The following KRT74 variants were observed in gnomAD, a reference collection of about 807,000 sequenced individuals.
KRT74 encodes the protein keratin, type II cytoskeletal 74.
Under a neutral mutation model 42.7 loss-of-function variants are expected in KRT74, and 43 were observed. That is an observed-to-expected ratio of 1.01 (90% CI 0.79 to 1.30). The LOEUF (loss-of-function observed/expected upper bound fraction) is 1.30. Ranked by LOEUF, KRT74 falls within the 50% of genes most tolerant of loss-of-function variation. The probability of loss-of-function intolerance (pLI) is 0.00; values close to 1 mark genes in which losing one functional copy is unlikely to be tolerated. For missense variants in KRT74, 736 were observed against 689.1 expected (o/e 1.07, Z -0.76); for synonymous variants, 302 against 279.0 (o/e 1.08, Z -0.82).
chr12:52,572,469 C>G lies in KRT74; in HGVS notation c.670G>C (p.Glu224Gln). The change falls in exon 2 of 9, where the codon GAG becomes CAG. Residue 224 changes from glutamate (E) to glutamine (Q), a missense_variant. By Grantham distance (29) the Glu-to-Gln change is conservative (BLOSUM62 2). Coordinates refer to ENST00000305620, the MANE Select transcript of KRT74 (RefSeq NM_175053.4). ...SELRSMRDLV[E>Q]DYKKRYEVEI... The stretch of plus-strand genomic sequence containing the variant: ...CCTGCTCACCTCTTCTTATAGTCCT[C>G]CACCAGATCCCTCATGCTTCTCAGC... 6.2e-7 allele frequency: 1 copy of G among 1,614,070 alleles called. No individual in the cohort carries two copies. Among genetic ancestry groups the G allele is most frequent in the Non-Finnish European group, 8.5e-7 (1 of 1,179,966 alleles).
chr12:52,571,843 G>T lies in KRT74; in HGVS notation c.747+101C>A, dbSNP rs1939487269. ...TCACCAGGCACCAGCCCCCTCACCA[G>T]GCACCAGCCCCCTCCCCAGCCTCCT... On this transcript the variant is annotated intron_variant, in intron 3 of 8. Coordinates refer to ENST00000305620, the MANE Select transcript of KRT74 (RefSeq NM_175053.4). 46 of 870,182 alleles carry T rather than the reference G, an allele frequency of 5.3e-5. No homozygotes were observed. The South Asian group carries it at 5.9e-4, about 11-fold the overall frequency. The allele number at this position is 870,182 out of a possible 1,614,324, so 53.9% of individuals were successfully genotyped here.
chr12:52,572,356 A>T lies in KRT74; in HGVS notation c.686+97T>A, dbSNP rs1939499385. ...GGATGTGAGCTCCTGACCCTGGTGC[A>T]TACTCCCCCATCTCCTAAAAAATAA... On this transcript the variant is annotated intron_variant, in intron 2 of 8. Transcript: ENST00000305620. 2.3e-6 allele frequency: 3 copies of T among 1,301,048 alleles called. No individual in the cohort carries two copies. In the East Asian group the frequency reaches 7.0e-5, roughly 31 times the overall value. The allele number at this position is 1,301,048 out of a possible 1,614,324, so 80.6% of individuals were successfully genotyped here. A position where few individuals can be genotyped will look rare whatever the true frequency, so the allele number is the denominator to read the frequency against.
In KRT74 at chr12:52,572,263, C is replaced by T. The variant is rs671629; in HGVS notation, c.686+190G>A. 0.79 allele frequency among the ~76,000 whole-genome samples: 120,824 copies of T among 152,110 alleles called. 48,876 individuals are homozygous for T. Among genetic ancestry groups the T allele is most frequent in the African/African-American group, 0.95 (39,580 of 41,528 alleles). On this transcript the variant is annotated intron_variant, in intron 2 of 8. Transcript: ENST00000305620. Reference sequence around the variant, plus strand: ...TCAGTGGGTCAAGGAGCACAGGAACCGCTTCCTATCAACTAGGCAGGAAGT... The same window carrying T: ...TCAGTGGGTCAAGGAGCACAGGAACTGCTTCCTATCAACTAGGCAGGAAGT...
chr12:52,566,578 GT>G lies in KRT74; in HGVS notation c.*390del. 5.3e-6 allele frequency: 1 copy of G among 187,734 alleles called. No homozygotes were observed. Among genetic ancestry groups the G allele is most frequent in the Non-Finnish European group, 1.1e-5 (1 of 91,932 alleles). 11.6% of individuals were successfully genotyped at this position (187,734 alleles called of 1,614,324 possible). A position where few individuals can be genotyped will look rare whatever the true frequency, so the allele number is the denominator to read the frequency against. ...TCACCCCACCATGCTGGCAGGGGAT[GT>G]AAAACCTCTCAGACAGTAGCTAACT... On this transcript the variant is annotated 3_prime_UTR_variant, in exon 9 of 9. Transcript: ENST00000305620.
chr12:52,569,877 G>A lies in KRT74; in HGVS notation c.1116C>T (p.Ile372=), dbSNP rs148938257. The A allele has an allele frequency of 1.2e-4, 190 of 1,614,126 alleles. No homozygotes were observed. The highest frequency in any genetic ancestry group is 9.5e-4 in the African/African-American group (71 of 75,032). ...NRLIQRIRCE[I]GNVKKQRASL... ...TGCCCACCTGCTTCTTCACATTCCC[G>A]ATCTCACACCGGATCCTCTGGATGA... The change falls in exon 6 of 9, where the codon ATC becomes ATT. Residue 372 remains isoleucine, a synonymous_variant. Transcript: ENST00000305620.
rs762954415 is a variant in KRT74, at chr12:52,573,467, A to G, written c.311T>C (p.Leu104Ser). ...FGSVALGPACLSVCPPGGIHQ... is the reference protein window; with the variant it reads ...FGSVALGPACSSVCPPGGIHQ... ...GATGCCCCCAGGTGGGCACACAGAC[A>G]AACATGCAGGCCCCAGGGCCACACT... is the stretch of plus-strand genomic sequence containing the variant. The change falls in exon 1 of 9, where the codon TTG (leucine) becomes TCG (serine). Residue 104 changes from leucine (L) to serine (S), a missense_variant. Transcript: ENST00000305620. The G allele has an allele frequency of 6.2e-7, 1 of 1,614,192 alleles. No homozygotes were observed.
In KRT74 at chr12:52,565,792, A is replaced by C. The variant is rs679724; in HGVS notation, c.*1177T>G. The C allele has an allele frequency of 0.73, 110,698 of 152,110 alleles. 41,077 individuals carry two copies. The highest frequency in any genetic ancestry group is 0.87 in the African/African-American group (36,265 of 41,512). 9.4% of individuals were successfully genotyped at this position (152,110 alleles called of 1,614,324 possible). On this transcript the variant is annotated 3_prime_UTR_variant, in exon 9 of 9. Coordinates refer to ENST00000305620, the MANE Select transcript of KRT74 (RefSeq NM_175053.4). Reference sequence around the variant, plus strand: ...GACTGACAGAAGCATACCTCTGACAACACTCAAGGACAACTTAATGAATAT... The same window carrying C: ...GACTGACAGAAGCATACCTCTGACACCACTCAAGGACAACTTAATGAATAT...
chr12:52,572,766 A>G (rs1939510943), intron 1 of KRT74, 99 bp from the exon 2 acceptor site: 4 of 1,135,344 alleles, frequency 3.5e-6, no homozygotes, highest in South Asian at 1.3e-5. Context: ...AGATTGTTGT[A>G]GTCATTTTTG....
At position 52,569,932 on chromosome 12, in the gene KRT74, G is replaced by A; in HGVS notation, c.1061C>T (p.Thr354Ile). ...GTTCAGCTCCACCATCTCGCTCCTGGTGTGTTTCAGGTCGTCACCATGCCG... is the reference window on the plus strand; with the variant it reads ...GTTCAGCTCCACCATCTCGCTCCTGATGTGTTTCAGGTCGTCACCATGCCG... ...ASRHGDDLKH[T>I]RSEMVELNRL... is the part of the protein sequence containing the mutation. Residue 354 changes from threonine to isoleucine, a missense_variant, in exon 6 of 9, where the codon ACC becomes ATC. Transcript: ENST00000305620. 1 of 1,614,180 alleles carries A rather than the reference G, an allele frequency of 6.2e-7. No individual in the cohort carries two copies. Among genetic ancestry groups the A allele is most frequent in the Non-Finnish European group, 8.5e-7 (1 of 1,180,016 alleles).
At chr12:52,569,719 T>A in intron 6 of KRT74, 140 bp downstream of exon 6, 4 of 1,067,508 alleles carry the variant, frequency 3.7e-6, no homozygotes, top group Non-Finnish European at 5.7e-6. Flanking sequence ...CGAGGCAGGG[T>A]GGGAAAGGGA....
At chr12:52,572,780 A>G (rs1195534602) in intron 1 of KRT74, 113 bp from the exon 2 acceptor site, 14 of 927,756 alleles carry the variant, frequency 1.5e-5, no homozygotes, top group African/African-American at 3.3e-5. Context: ...ATTTTTGCTC[A>G]TGTCTTGACT....
chr12:52,568,558 G>A (rs1939421069), intron 6 of KRT74, 169 bp from the exon 7 acceptor site: 1 of 713,322 alleles, frequency 1.4e-6, no homozygotes, highest in South Asian at 1.8e-5. Flanking sequence ...TTGCAGAGGA[G>A]TATTCAAAGC....
intron 6 of KRT74, 125 bp downstream of exon 6, chr12:52,569,734 G>C (rs1939441467): frequency 8.1e-7 from 1 of 1,240,198 alleles, no homozygotes; most frequent in African/African-American, 1.5e-5. Flanking sequence ...AAGGGAGACT[G>C]TGGGTGGCCG....
At chr12:52,569,444 G>A (rs895777080) in intron 6 of KRT74, 2 of 612,250 alleles carry the variant, frequency 3.3e-6, no homozygotes, top group Non-Finnish European at 2.9e-6. Context: ...CATGTTCCAT[G>A]TCCAGTGGGA....
Position 52,567,025 on chromosome 12 carries a change from C to A in KRT74, c.1534G>T (p.Asp512Tyr). The A allele has an allele frequency of 6.2e-7, 1 of 1,604,024 alleles. No individual in the cohort carries two copies. Among genetic ancestry groups the A allele is most frequent in the Non-Finnish European group, 8.5e-7 (1 of 1,173,600 alleles). ...TTEARGGDLK[D>Y]TQGKSTPASI... ...GCTGGGGTGCTCTTGCCCTGGGTGT[C>A]CTTGAGGTCTCCCCCTCGCGCCTCT... The change falls in exon 9 of 9, where the codon GAC (aspartate) becomes TAC (tyrosine). Residue 512 changes from aspartate (D) to tyrosine (Y), a missense_variant. By Grantham distance (160) the Asp-to-Tyr change is radical. Coordinates refer to ENST00000305620, the MANE Select transcript of KRT74 (RefSeq NM_175053.4).
In KRT74 at chr12:52,570,801, C is replaced by G. The variant is rs2120647250; in HGVS notation, c.876G>C (p.Glu292Asp). 2 of 1,614,258 alleles carry G rather than the reference C, an allele frequency of 1.2e-6. No individual in the cohort carries two copies. The highest frequency in any genetic ancestry group is 1.7e-6 in the Non-Finnish European group (2 of 1,180,042). Residue 292 changes from glutamate (E) to aspartate (D), a missense_variant, in exon 5 of 9, where the codon GAG becomes GAC. Glu to Asp is a conservative substitution (Grantham distance 45, BLOSUM62 2). Transcript: ENST00000305620. Reference protein sequence around the residue: ...EIAQIQTHASETSVILSMDNN... With the variant: ...EIAQIQTHASDTSVILSMDNN... ...TGTCCATGGACAGGATGACAGAGGT[C>G]TCACTGGCGTGAGTCTGGATCTGAG... is the stretch of plus-strand genomic sequence containing the variant.
chr12:52,571,323 G>T, intron 4 of KRT74, 36 bp downstream of exon 4: 2 of 1,261,286 alleles, frequency 1.6e-6, no homozygotes, highest in Non-Finnish European at 2.3e-6. Context: ...TCGGGAAGGA[G>T]GCAGGGTGAG....
chr12:52,572,436 G>C lies in KRT74; in HGVS notation c.686+17C>G, dbSNP rs192311742. On this transcript the variant is annotated intron_variant, in intron 2 of 8. Transcript: ENST00000305620. ...ACGGGAAACATGGTCTGTGACCCTCGGGTGGAGCCTGCTCACCTCTTCTTA... is the reference window on the plus strand; with the variant it reads ...ACGGGAAACATGGTCTGTGACCCTCCGGTGGAGCCTGCTCACCTCTTCTTA... 3 of 1,612,864 alleles carry C rather than the reference G, an allele frequency of 1.9e-6. No individual in the cohort carries two copies. The highest frequency in any genetic ancestry group is 2.2e-5 in the East Asian group (1 of 44,892).
intron 6 of KRT74, chr12:52,569,524 G>GA (rs1939437933): frequency 3.3e-6 from 2 of 600,366 alleles, no homozygotes; most frequent in Non-Finnish European, 6.0e-6. Flanking sequence ...ATTGGACACA[G>GA]AAAAAATCTG....
Sources: gnomAD v4.1 joint callset for allele counts (sites outside exome capture counted in the v4.1 genomes callset) on GRCh38, gnomAD v4.1.1 for gene constraint, MANE v1.5 for transcripts, NCBI Gene and HGNC (gene_info 2026-07-23, HGNC 2026-07-21) for gene names.